PHACTR2: variants seen among roughly 807,000 people sequenced by gnomAD.
PHACTR2 encodes the protein chromosome 6 open reading frame 56.
PHACTR2 carries 30 observed loss-of-function variants against 76.0 expected under a neutral mutation model. The ratio of observed to expected loss-of-function variants is 0.39; its 90% CI spans 0.30 to 0.54. The LOEUF is 0.54. Ranked by LOEUF, PHACTR2 falls within the 20% of genes least tolerant of loss-of-function variation. The pLI, the probability that PHACTR2 is intolerant of heterozygous loss-of-function variation, is 0.61. For missense variants in PHACTR2, 696 were observed against 781.1 expected (o/e 0.89, Z 1.30); for synonymous variants, 292 against 292.5 (o/e 1.00, Z 0.02).
At position 143,811,875 on chromosome 6, in the gene PHACTR2, T is replaced by G. The variant is rs1318863767; in HGVS notation, c.1922+4742T>G. 2.0e-5 allele frequency among the ~76,000 whole-genome samples: 3 copies of G among 152,194 alleles called. No homozygotes were observed. Among genetic ancestry groups the G allele is most frequent in the Non-Finnish European group, 2.9e-5 (2 of 68,040 alleles). ...TCCAGTTTTACATTTAGCAAATTGT[T>G]CATAAAAAAGGTGGTGGTACTCTTA... is the stretch of plus-strand genomic sequence containing the variant. On this transcript the variant is annotated intron_variant, in intron 12 of 12. Coordinates refer to ENST00000440869, the MANE Select transcript of PHACTR2 (RefSeq NM_001100164.2). This position sits in a 1 kb window ranked among gnomAD's most constrained non-coding sequence, Gnocchi z 4.1.
intron 11 of PHACTR2, among the ~76,000 whole-genome samples, chr6:143,805,102 A>C (rs926358346): frequency 1.3e-5 from 2 of 152,150 alleles, no homozygotes; most frequent in Middle Eastern, 3.2e-3. Flanking sequence ...ACCGCTTTTC[A>C]CTTCCTCTGC....
chr6:143,788,164 A>G (rs960945527), intron 10 of PHACTR2, among the ~76,000 whole-genome samples: 1 of 152,196 alleles, frequency 6.6e-6, no homozygotes, highest in Non-Finnish European at 1.5e-5. Flanking sequence ...AAGGAAGTAC[A>G]GTTCTCCATC....
rs1231024309 is a variant in PHACTR2, at chr6:143,825,773, T to C, written c.*2084T>C. 6.6e-6 allele frequency: 1 copy of C among 152,186 alleles called. No homozygotes were observed. Among genetic ancestry groups the C allele is most frequent in the East Asian group, 1.9e-4 (1 of 5,202 alleles). 9.4% of individuals were successfully genotyped at this position (152,186 alleles called of 1,614,324 possible). A position where few individuals can be genotyped will look rare whatever the true frequency, so the allele number is the denominator to read the frequency against. On this transcript the variant is annotated 3_prime_UTR_variant, in exon 13 of 13. Coordinates refer to ENST00000440869, the MANE Select transcript of PHACTR2 (RefSeq NM_001100164.2). This position sits in a 1 kb window ranked among gnomAD's most constrained non-coding sequence, Gnocchi z 4.1. ...TAAATTTCTAACCACAAGACCTCTC[T>C]ATAATGGTAAATGTAAGACATCACC... is the stretch of plus-strand genomic sequence containing the variant.
At chr6:143,612,321 C>T (rs1450677087) in intron 1 of PHACTR2, among the ~76,000 whole-genome samples, 1 of 152,166 alleles carries the variant, frequency 6.6e-6, no homozygotes, top group Non-Finnish European at 1.5e-5. Context: ...GAAGACATTT[C>T]ATTTCAAGCT....
Position 143,571,485 on chromosome 6 carries a change from G to A in PHACTR2, c.217+34278G>A, listed in dbSNP as rs1462522637. Reference sequence around the variant, plus strand: ...AGTGGTGCAATCATAGCTCACTGTGGCCTCAAAGTCTTGACTGAGCTCAAA... The same window carrying A: ...AGTGGTGCAATCATAGCTCACTGTGACCTCAAAGTCTTGACTGAGCTCAAA... On this transcript the variant is annotated intron_variant, in intron 1 of 11. Coordinates refer to the PHACTR2 transcript ENST00000367584. The surrounding 1 kb of genome is among the most constrained non-coding windows in gnomAD (Gnocchi z 4.6). Among the ~76,000 whole-genome samples the A allele has an allele frequency of 6.6e-6, 1 of 152,164 alleles. No homozygotes were observed.
intron 12 of PHACTR2, chr6:143,810,591 C>A: frequency 2.2e-6 from 1 of 450,926 alleles, no homozygotes. Context: ...AAACTTCTGA[C>A]CAGCTGAGGC....
rs1775783228 is a variant in PHACTR2 at position 143,598,988 on chromosome 6, CT to C, written c.217+61782del. Among the ~76,000 whole-genome samples the C allele has an allele frequency of 6.6e-6, 1 of 152,178 alleles. No individual in the cohort carries two copies. Among genetic ancestry groups the C allele is most frequent in the Non-Finnish European group, 1.5e-5 (1 of 68,028 alleles). ...AATTTAGATAGCATCTCACCCCTGA[CT>C]CTTTTAGAACAATGATGGCAGTGGG... On this transcript the variant is annotated intron_variant, in intron 1 of 11. Transcript: ENST00000367584. The surrounding 1 kb of genome is among the most constrained non-coding windows in gnomAD (Gnocchi z 4.1).
chr6:143,711,994 G>A, intron 1 of PHACTR2, 22 bp from the exon 2 acceptor site: 1 of 1,603,002 alleles, frequency 6.2e-7, no homozygotes, highest in Non-Finnish European at 8.5e-7. Flanking sequence ...ACCTTTCTCT[G>A]TCTATATCTT....
At position 143,580,528 on chromosome 6, in the gene PHACTR2, C is replaced by A. The variant is rs529987132; in HGVS notation, c.217+43321C>A. Among the ~76,000 whole-genome samples the A allele has an allele frequency of 6.6e-6, 1 of 151,490 alleles. No homozygotes were observed. The highest frequency in any genetic ancestry group is 1.9e-4 in the East Asian group (1 of 5,172). ...CAAAACAAAAAATACAAACAATTAG[C>A]TGGGCGTGGTGGCACACACCTGTAA... On this transcript the variant is annotated intron_variant, in intron 1 of 11. Transcript: ENST00000367584. This position sits in a 1 kb window ranked among gnomAD's most constrained non-coding sequence, Gnocchi z 4.2.
rs1775142205 is a variant in PHACTR2, at chr6:143,554,592, A to C, written c.217+17385A>C. The C allele has an allele frequency of 6.6e-6, 1 of 152,188 alleles. No individual in the cohort carries two copies. Among genetic ancestry groups the C allele is most frequent in the African/African-American group, 2.4e-5 (1 of 41,426 alleles). The allele number at this position is 152,188 out of a possible 1,614,324, so 9.4% of individuals were successfully genotyped here. A position where few individuals can be genotyped will look rare whatever the true frequency, so the allele number is the denominator to read the frequency against. Reference sequence around the variant, plus strand: ...CAGGATGATCAGCCCTCACCTGAGGAAAGGTGAAGGGCTAAGGAACTCGAT... The same window carrying C: ...CAGGATGATCAGCCCTCACCTGAGGCAAGGTGAAGGGCTAAGGAACTCGAT... On this transcript the variant is annotated intron_variant, in intron 1 of 11. Coordinates refer to the PHACTR2 transcript ENST00000367584. The surrounding 1 kb of genome is among the most constrained non-coding windows in gnomAD (Gnocchi z 5.9).
intron 1 of PHACTR2, among the ~76,000 whole-genome samples, chr6:143,711,302 T>G (rs1311376096): frequency 6.6e-6 from 1 of 152,238 alleles, no homozygotes; most frequent in Admixed American, 6.5e-5. Context: ...AATTTGATAG[T>G]TGGTGTAACA....
At position 143,599,871 on chromosome 6, in the gene PHACTR2, G is replaced by T. The variant is rs1484864861; in HGVS notation, c.217+62664G>T. Among the ~76,000 whole-genome samples the T allele has an allele frequency of 6.6e-6, 1 of 152,198 alleles. No homozygotes were observed. Among genetic ancestry groups the T allele is most frequent in the Non-Finnish European group, 1.5e-5 (1 of 68,026 alleles). The stretch of plus-strand genomic sequence containing the variant: ...AGCCAGGCAGGCCATGTAAGTGTGT[G>T]TAGCTCAATGTGAGACAATTGGGAG... On this transcript the variant is annotated intron_variant, in intron 1 of 11. Transcript: ENST00000367584. This position sits in a 1 kb window ranked among gnomAD's most constrained non-coding sequence, Gnocchi z 4.6.
At chr6:143,634,064 C>T (rs1211315881) in intron 1 of PHACTR2, among the ~76,000 whole-genome samples, 1 of 152,156 alleles carries the variant, frequency 6.6e-6, no homozygotes, top group Non-Finnish European at 1.5e-5. Flanking sequence ...GGCAGGTCTT[C>T]CAACAGGGAA....
At position 143,711,847 on chromosome 6, in the gene PHACTR2, T is replaced by C. The variant is rs368336191; in HGVS notation, c.47-169T>C. 169 of 761,600 alleles carry C rather than the reference T, an allele frequency of 2.2e-4. No homozygotes were observed. The East Asian group carries it at 3.4e-3, about 15-fold the overall frequency. 47.2% of individuals were successfully genotyped at this position (761,600 alleles called of 1,614,324 possible). A position where few individuals can be genotyped will look rare whatever the true frequency, so the allele number is the denominator to read the frequency against. On this transcript the variant is annotated intron_variant, in intron 1 of 12. Transcript: ENST00000440869. ...TGGGCTGTAATTTCTGATTGACTGA[T>C]TGATATGAGGGAAGTCCTACCAGCT...
At chr6:143,668,367 A>G (rs1777083393) in intron 1 of PHACTR2, among the ~76,000 whole-genome samples, 1 of 152,114 alleles carries the variant, frequency 6.6e-6, no homozygotes, top group Non-Finnish European at 1.5e-5. Context: ...AGGTTTTGGT[A>G]TCAGGATGAT....
chr6:143,698,542 TCAAA>T lies in PHACTR2; in HGVS notation c.47-13470_47-13467del, dbSNP rs752940991. Among the ~76,000 whole-genome samples the T allele has an allele frequency of 1.3e-5, 2 of 152,214 alleles. No individual in the cohort carries two copies. The highest frequency in any genetic ancestry group is 2.9e-5 in the Non-Finnish European group (2 of 68,032). On this transcript the variant is annotated intron_variant, in intron 1 of 12. Transcript: ENST00000440869. This position sits in a 1 kb window ranked among gnomAD's most constrained non-coding sequence, Gnocchi z 4.3. ...AAACTAGACTAAACCTCTGTAGCCC[TCAAA>T]CAATTTTACCCTGAATTTTAACTCA... is the stretch of plus-strand genomic sequence containing the variant.
rs1344589929 is a variant in PHACTR2, at chr6:143,811,069, G to T, written c.1922+3936G>T. Among the ~76,000 whole-genome samples, 1 of 152,136 alleles carries T rather than the reference G, an allele frequency of 6.6e-6. No homozygotes were observed. The highest frequency in any genetic ancestry group is 2.4e-5 in the African/African-American group (1 of 41,424). ...ATTGTTTTGTGTCTTATGGACGGAGGCCAAGAGTATAAAACTATTATTTTT... is the reference window on the plus strand; with the variant it reads ...ATTGTTTTGTGTCTTATGGACGGAGTCCAAGAGTATAAAACTATTATTTTT... On this transcript the variant is annotated intron_variant, in intron 12 of 12. Transcript: ENST00000440869. This position sits in a 1 kb window ranked among gnomAD's most constrained non-coding sequence, Gnocchi z 4.1.
At chr6:143,682,349 C>T (rs1005689856) in intron 1 of PHACTR2, among the ~76,000 whole-genome samples, 4 of 152,212 alleles carry the variant, frequency 2.6e-5, no homozygotes, top group African/African-American at 9.7e-5. Flanking sequence ...TCCTGAGCAG[C>T]TGGGACCACT....
rs1775807512 is a variant in PHACTR2 at position 143,795,695 on chromosome 6, G to A, written c.1845+6785G>A. Among the ~76,000 whole-genome samples the A allele has an allele frequency of 6.6e-6, 1 of 152,186 alleles. No individual in the cohort carries two copies. Among genetic ancestry groups the A allele is most frequent in the South Asian group, 2.1e-4 (1 of 4,830 alleles). ...TTTAGAACTGGGCACTTCTAGGATG[G>A]ATTGATCCTTGACTTGGCCACTTAG... On this transcript the variant is annotated intron_variant, in intron 11 of 12. Transcript: ENST00000440869. This position sits in a 1 kb window ranked among gnomAD's most constrained non-coding sequence, Gnocchi z 4.8.
Sources: allele counts gnomAD v4.1 joint callset (sites outside exome capture counted in the v4.1 genomes callset), GRCh38; gene constraint gnomAD v4.1.1; non-coding constraint Gnocchi (gnomAD v3.1); transcripts MANE v1.5; gene names NCBI Gene and HGNC (gene_info 2026-07-23, HGNC 2026-07-21).